Variants in ATP2B2 observed in about 807,000 individuals in gnomAD.
ATP2B2 encodes ATPase plasma membrane Ca2+ transporting 2, also known as plasma membrane calcium-transporting ATPase 2.
In ATP2B2, 15 loss-of-function variants were observed where a neutral mutation model predicts 120.0. The observed-to-expected ratio is 0.12, with a 90% CI of 0.08 to 0.19. ATP2B2 has a LOEUF of 0.19. Among genes scored for constraint, ATP2B2 ranks in the 10% least tolerant of loss-of-function variants. ATP2B2 has a pLI of 1.00. For synonymous variants in ATP2B2, 694 were observed against 700.3 expected (o/e 0.99, Z 0.14); for missense variants, 1,045 against 1,719.8 (o/e 0.61, Z 6.94).
intron 2 of ATP2B2, among the ~76,000 whole-genome samples, chr3:10,596,995 A>ACG (rs1263750197): frequency 1.3e-5 from 2 of 150,560 alleles, no homozygotes; most frequent in African/African-American, 5.0e-5. Context: ...ACGCAGGTGC[A>ACG]CACGCACACA....
chr3:10,654,366 T>C (rs2070552978), intron 1 of ATP2B2, among the ~76,000 whole-genome samples: 1 of 152,060 alleles, frequency 6.6e-6, no homozygotes, highest in Non-Finnish European at 1.5e-5. Context: ...ACATAAAAGG[T>C]CTTGATAAAT....
intron 1 of ATP2B2, among the ~76,000 whole-genome samples, chr3:10,470,898 A>G (rs1338701613): frequency 6.6e-6 from 1 of 152,088 alleles, no homozygotes; most frequent in Middle Eastern, 3.2e-3. Flanking sequence ...GCAGGTTGCT[A>G]TGGCGACAGC....
At position 10,513,698 on chromosome 3, in the gene ATP2B2, A is replaced by G. The variant is rs570156294; in HGVS notation, c.-320+20341T>C. ...GGGCCACAGTTGGGAGGAGAAGAAC[A>G]GCCAGTAGACATTCACAGAGTCGCG... is the stretch of plus-strand genomic sequence containing the variant. On this transcript the variant is annotated intron_variant, in intron 3 of 21. Coordinates refer to the ATP2B2 transcript ENST00000646379. Among the ~76,000 whole-genome samples the G allele has an allele frequency of 4.6e-5, 7 of 152,300 alleles. No homozygotes were observed. The East Asian group carries it at 1.4e-3, about 29-fold the overall frequency.
At chr3:10,607,770 C>A (rs969046694) in intron 2 of ATP2B2, among the ~76,000 whole-genome samples, 2 of 152,216 alleles carry the variant, frequency 1.3e-5, no homozygotes, top group Non-Finnish European at 2.9e-5. Flanking sequence ...GCAGCTATCA[C>A]AAGTTCAGTG....
intron 1 of ATP2B2, among the ~76,000 whole-genome samples, chr3:10,457,348 C>G (rs773954556): frequency 6.6e-6 from 1 of 152,004 alleles, no homozygotes; most frequent in Non-Finnish European, 1.5e-5. Context: ...TGGTGGTTTT[C>G]TTAGTATGAG....
rs1453351723 is a variant in ATP2B2 at position 10,328,764 on chromosome 3, G to A, written c.*50C>T. ...TGGATGGATGGGTGCCCGGAAAGCG[G>A]GTGGCAGCGGGGTCCATGAGGGCGG... is the stretch of plus-strand genomic sequence containing the variant. On this transcript the variant is annotated 3_prime_UTR_variant, in exon 23 of 23. Transcript: ENST00000360273. 1 of 1,544,508 alleles carries A rather than the reference G, an allele frequency of 6.5e-7. No individual in the cohort carries two copies. Among genetic ancestry groups the A allele is most frequent in the East Asian group, 2.3e-5 (1 of 43,998 alleles).
intron 2 of ATP2B2, among the ~76,000 whole-genome samples, chr3:10,616,660 T>A (rs1446630635): frequency 6.8e-6 from 1 of 148,080 alleles, no homozygotes; most frequent in African/African-American, 2.5e-5. Flanking sequence ...ACCATTTTTC[T>A]TATACAGCTG....
chr3:10,611,222 CAT>C (rs2069228709), intron 2 of ATP2B2, among the ~76,000 whole-genome samples: 2 of 152,290 alleles, frequency 1.3e-5, no homozygotes, highest in East Asian at 3.9e-4. Flanking sequence ...TGTCTCCCCA[CAT>C]GTTGTTTTAG....
chr3:10,333,485 TCC>T (rs761536454), intron 22 of ATP2B2, among the ~76,000 whole-genome samples: 2 of 151,666 alleles, frequency 1.3e-5, no homozygotes, highest in East Asian at 1.9e-4. Flanking sequence ...GTCCTCAGAG[TCC>T]TTGGAGACCA....
At chr3:10,355,791 C>CTTTGTGCGTGTGTGTGTGTGTGTGT in intron 14 of ATP2B2, among the ~76,000 whole-genome samples, 11 of 92,524 alleles carry the variant, frequency 1.2e-4, no homozygotes, top group South Asian at 9.5e-4. Flanking sequence ...TTGTCCTTTC[C>CTTTGTGCGTGTGTGTGTGTGTGTGT]GGCCGGGCGC....
At chr3:10,394,210 T>A (rs1340007703) in intron 5 of ATP2B2, among the ~76,000 whole-genome samples, 9 of 152,084 alleles carry the variant, frequency 5.9e-5, no homozygotes, top group Non-Finnish European at 8.8e-5. Context: ...AGGCTATTTC[T>A]GGGGGCTATT....
At chr3:10,587,747 TTTTGTTTGTTTGTTTG>T (rs71055825) in intron 2 of ATP2B2, among the ~76,000 whole-genome samples, 1 of 150,970 alleles carries the variant, frequency 6.6e-6, no homozygotes, top group Non-Finnish European at 1.5e-5. Flanking sequence ...TTTCTGGTTT[TTTTGTTTGTTTGTTTG>T]TTTGTTTGTT....
chr3:10,644,760 A>G (rs1247636236), intron 1 of ATP2B2, among the ~76,000 whole-genome samples: 2 of 152,176 alleles, frequency 1.3e-5, no homozygotes, highest in Non-Finnish European at 2.9e-5. Flanking sequence ...ATGGGGATAA[A>G]CTGGTTAATG....
At chr3:10,555,270 C>G (rs1243890937) in intron 2 of ATP2B2, among the ~76,000 whole-genome samples, 2 of 152,254 alleles carry the variant, frequency 1.3e-5, no homozygotes, top group African/African-American at 2.4e-5. Flanking sequence ...TTCCTCTCAG[C>G]CTTCTTTGGA....
At chr3:10,443,752 G>C (rs1575241340) in intron 2 of ATP2B2, among the ~76,000 whole-genome samples, 1 of 152,328 alleles carries the variant, frequency 6.6e-6, no homozygotes, top group East Asian at 1.9e-4. Context: ...AAGCCAGTTC[G>C]AGATGGGTTT....
intron 22 of ATP2B2, 55 bp downstream of exon 22, chr3:10,338,121 A>T: frequency 1.2e-6 from 2 of 1,608,064 alleles, no homozygotes; most frequent in Non-Finnish European, 1.7e-6. Context: ...ACTCACCTCC[A>T]TCCCCTGGCC....
At chr3:10,686,051 T>TC (rs2071514386) in intron 1 of ATP2B2, among the ~76,000 whole-genome samples, 1 of 146,770 alleles carries the variant, frequency 6.8e-6, no homozygotes, top group South Asian at 2.2e-4. Flanking sequence ...TTCTTTTTTT[T>TC]TTTTTTTTTT....
At chr3:10,439,882 A>G (rs978904400) in intron 2 of ATP2B2, among the ~76,000 whole-genome samples, 3 of 115,576 alleles carry the variant, frequency 2.6e-5, no homozygotes, top group Non-Finnish European at 6.5e-5. Flanking sequence ...AGCCTCCTGA[A>G]TAGCTGGGAT....
At chr3:10,410,553 GC>G in intron 3 of ATP2B2, 64 bp downstream of exon 3, 4 of 1,498,762 alleles carry the variant, frequency 2.7e-6, no homozygotes, top group Non-Finnish European at 3.6e-6. Context: ...AGCCGTGAGT[GC>G]CCCCCAGCGT....
Sources: allele counts gnomAD v4.1 joint callset (sites outside exome capture counted in the v4.1 genomes callset), GRCh38; gene constraint gnomAD v4.1.1; transcripts MANE v1.5; gene names NCBI Gene and HGNC (gene_info 2026-07-23, HGNC 2026-07-21).